The following FRMPD3 variants were observed in gnomAD, a reference collection of about 807,000 sequenced individuals.
FRMPD3 encodes the protein FERM and PDZ domain-containing protein 3.
In FRMPD3, 42 loss-of-function variants were observed where a neutral mutation model predicts 97.9. The ratio of observed to expected loss-of-function variants is 0.43; its 90% confidence interval spans 0.34 to 0.55. The LOEUF is 0.55. Among genes scored for constraint, FRMPD3 ranks in the 20% least tolerant of loss-of-function variants. The pLI, the probability that FRMPD3 is intolerant of heterozygous loss-of-function variation, is 0.03. For missense variants in FRMPD3, 1,303 were observed against 1,457.7 expected (o/e 0.89, Z 1.73); for synonymous variants, 577 against 581.1 (o/e 0.99, Z 0.10).
chrX:107,517,481 C>T (rs1019885697), intron 1 of FRMPD3, among the ~76,000 whole-genome samples: 1 of 111,527 alleles, frequency 9.0e-6, no homozygotes, highest in African/African-American at 3.3e-5. Flanking sequence ...TGACCATGGC[C>T]GGGCGTGGTG....
intron 8 of FRMPD3, among the ~76,000 whole-genome samples, chrX:107,557,945 C>G (rs746685740): frequency 9.7e-6 from 1 of 103,103 alleles, no homozygotes; most frequent in Non-Finnish European, 2.0e-5. Flanking sequence ...TTCTTGAAAT[C>G]AGGAAGTATT....
chrX:107,467,432 T>C (rs749205992), intron 1 of FRMPD3, among the ~76,000 whole-genome samples: 1 of 111,264 alleles, frequency 9.0e-6, no homozygotes, highest in South Asian at 3.9e-4. Context: ...CATAGGACTA[T>C]AGATAAGTAG....
intron 1 of FRMPD3, among the ~76,000 whole-genome samples, chrX:107,481,275 G>A (rs1470847835): frequency 8.9e-6 from 1 of 112,356 alleles, no homozygotes; most frequent in East Asian, 2.8e-4. Flanking sequence ...GTATAAAGGT[G>A]CCATCCATCT....
At chrX:107,571,781 G>T (rs1157256579) in intron 12 of FRMPD3, among the ~76,000 whole-genome samples, 3 of 112,360 alleles carry the variant, frequency 2.7e-5, no homozygotes, top group Non-Finnish European at 5.6e-5. Flanking sequence ...GCATGAGTGA[G>T]TCAGACTGCC....
At chrX:107,564,107 G>A (rs1223405365) in intron 11 of FRMPD3, among the ~76,000 whole-genome samples, 3 of 111,710 alleles carry the variant, frequency 2.7e-5, no homozygotes, top group Non-Finnish European at 5.6e-5. Flanking sequence ...GCCTCCAGAC[G>A]ACCCAAGCTT....
intron 1 of FRMPD3, among the ~76,000 whole-genome samples, chrX:107,457,874 T>TC (rs1045606266): frequency 2.7e-5 from 3 of 111,239 alleles, no homozygotes; most frequent in African/African-American, 9.8e-5. Flanking sequence ...TTTCTTCTGC[T>TC]CCCCCCTCCC....
rs2147649118 is a variant in FRMPD3 at position 107,598,029 on chromosome X, C to G, written c.2150C>G (p.Thr717Arg). ...VTLIDSVQTR[T>R]VRDHAQELDD... ...TTGATTGACAGTGTGCAGACCCGGA[C>G]AGTTCGAGATCATGCCCAGGAGCTA... Residue 717 changes from threonine (T) to arginine (R), a missense_variant, in exon 14 of 15, where the codon ACA (threonine) becomes AGA (arginine). Coordinates refer to ENST00000683843, the MANE Select transcript of FRMPD3 (RefSeq NM_001388459.1). The G allele has an allele frequency of 8.3e-7, 1 of 1,208,752 alleles. No homozygotes were observed. Among genetic ancestry groups the G allele is most frequent in the African/African-American group, 1.8e-5 (1 of 57,099 alleles).
intron 8 of FRMPD3, among the ~76,000 whole-genome samples, chrX:107,557,511 G>T (rs773047257): frequency 9.2e-6 from 1 of 108,639 alleles, no homozygotes; most frequent in Admixed American, 9.9e-5. Flanking sequence ...CAGTGCTTTT[G>T]GTGTCATATC....
At chrX:107,531,031 A>C (rs1869839749) in intron 3 of FRMPD3, among the ~76,000 whole-genome samples, 1 of 110,215 alleles carries the variant, frequency 9.1e-6, no homozygotes, top group Non-Finnish European at 1.9e-5. Context: ...AGATGACAAA[A>C]GGAACATTGT....
At position 107,563,300 on chromosome X, in the gene FRMPD3, G is replaced by A. The variant is rs1922458079; in HGVS notation, c.1116+100G>A. 9.7e-6 allele frequency: 6 copies of A among 621,594 alleles called. No individual in the cohort carries two copies. The East Asian group carries it at 1.0e-4, about 11-fold the overall frequency. 51.2% of individuals were successfully genotyped at this position (621,594 alleles called of 1,213,427 possible). ...GGGGCAAATATTTCTAAAGGCCTTCGTTCCTCTTCCTCCTCCTTCTACCTC... is the reference window on the plus strand; with the variant it reads ...GGGGCAAATATTTCTAAAGGCCTTCATTCCTCTTCCTCCTCCTTCTACCTC... On this transcript the variant is annotated intron_variant, in intron 11 of 14. Transcript: ENST00000683843.
intron 1 of FRMPD3, among the ~76,000 whole-genome samples, chrX:107,453,061 G>C (rs925898365): frequency 3.6e-5 from 4 of 111,296 alleles, no homozygotes; most frequent in Non-Finnish European, 7.6e-5. Context: ...CCCCCACTAC[G>C]CATAAATGAT....
intron 1 of FRMPD3, among the ~76,000 whole-genome samples, chrX:107,456,252 C>G (rs929867913): frequency 5.8e-4 from 64 of 110,346 alleles, no homozygotes; most frequent in African/African-American, 2.1e-3. Flanking sequence ...CTAACCTGGT[C>G]TCCAATTCCT....
Position 107,602,177 on chromosome X carries a change from G to T in FRMPD3, c.4138G>T (p.Gly1380Cys). 1 of 1,211,061 alleles carries T rather than the reference G, an allele frequency of 8.3e-7. No homozygotes were observed. The highest frequency in any genetic ancestry group is 1.1e-6 in the Non-Finnish European group (1 of 895,425). The change falls in exon 15 of 15, where the codon GGC becomes TGC. Residue 1380 changes from glycine (G) to cysteine (C), a missense_variant. Coordinates refer to ENST00000683843, the MANE Select transcript of FRMPD3 (RefSeq NM_001388459.1). ...GTGCCTGACCACGTGTGCCTCGGGG[G>T]GCGAGTGTCTGGGAGCTCCCAATTA... is the stretch of plus-strand genomic sequence containing the variant. ...VSCLTTCASGGECLGAPNYRK... is the reference protein window; with the variant it reads ...VSCLTTCASGCECLGAPNYRK...
At chrX:107,557,691 GTGTTTT>G (rs1369120033) in intron 8 of FRMPD3, among the ~76,000 whole-genome samples, 2 of 96,264 alleles carry the variant, frequency 2.1e-5, no homozygotes, top group African/African-American at 7.8e-5. Flanking sequence ...GTGTGTGTGT[GTGTTTT>G]TTTTTGCATA....
chrX:107,527,916 T>C (rs1922763843), intron 2 of FRMPD3, among the ~76,000 whole-genome samples: 1 of 111,321 alleles, frequency 9.0e-6, no homozygotes, highest in Non-Finnish European at 1.9e-5. Context: ...CCATGCAGTT[T>C]GGCAAAAAGG....
In FRMPD3 at chrX:107,601,563, C is replaced by A. The variant is rs750186889; in HGVS notation, c.3524C>A (p.Ser1175Tyr). 8.4e-7 allele frequency: 1 copy of A among 1,197,068 alleles called. No homozygotes were observed. Among genetic ancestry groups the A allele is most frequent in the South Asian group, 1.8e-5 (1 of 55,200 alleles). ...CQPRGQSPLR[S>Y]QAASRQVSTM... is the part of the protein sequence containing the mutation. Reference sequence around the variant, plus strand: ...CCTCGAGGCCAGAGCCCACTGAGGTCTCAGGCTGCCAGCCGGCAGGTGAGC... The same window carrying A: ...CCTCGAGGCCAGAGCCCACTGAGGTATCAGGCTGCCAGCCGGCAGGTGAGC... Residue 1175 changes from serine to tyrosine, a missense_variant, in exon 15 of 15, where the codon TCT (serine) becomes TAT (tyrosine). This residue lies in a region of FRMPD3 where 764 missense variants were observed against 820.2 expected (regional missense o/e 0.93). Transcript: ENST00000683843.
intron 1 of FRMPD3, among the ~76,000 whole-genome samples, chrX:107,505,103 G>A (rs1005098390): frequency 8.9e-6 from 1 of 112,138 alleles, no homozygotes; most frequent in African/African-American, 3.2e-5. Flanking sequence ...TTTCTTTTAA[G>A]CTTTACTTTC....
chrX:107,598,494 G>A (rs7049687), intron 14 of FRMPD3, among the ~76,000 whole-genome samples: 12,554 of 111,484 alleles, frequency 0.11, 1,753 homozygotes, highest in African/African-American at 0.39. Context: ...CATCCAGCAT[G>A]CACATGATTG....
At chrX:107,496,482 T>C (rs904093711) in intron 1 of FRMPD3, among the ~76,000 whole-genome samples, 3 of 112,164 alleles carry the variant, frequency 2.7e-5, no homozygotes, top group African/African-American at 9.7e-5. Context: ...TCTAACACTT[T>C]TGAAATCCTG....
Sources: allele counts gnomAD v4.1 joint callset (sites outside exome capture counted in the v4.1 genomes callset), GRCh38; gene constraint gnomAD v4.1.1; regional missense constraint gnomAD v4.1.1; transcripts MANE v1.5; gene names NCBI Gene and HGNC (gene_info 2026-07-23, HGNC 2026-07-21).